The following TCTN1 variants were observed in gnomAD, a reference collection of about 807,000 sequenced individuals.
TCTN1 encodes tectonic-1.
Under a neutral mutation model 65.8 loss-of-function variants are expected in TCTN1, and 58 were observed. The ratio of observed to expected loss-of-function variants is 0.88; its 90% CI spans 0.71 to 1.10. The LOEUF (loss-of-function observed/expected upper bound fraction) is 1.10, where lower values mean the gene tolerates loss of function less well. TCTN1 is among the 50% of genes least tolerant of loss of function. TCTN1 has a pLI of 0.00. For synonymous variants in TCTN1, 273 were observed against 289.1 expected, an observed-to-expected ratio of 0.94 and a Z score of 0.57; for missense variants, 645 against 719.4, an observed-to-expected ratio of 0.90 and a Z score of 1.18.
At position 110,644,703 on chromosome 12, in the gene TCTN1, A is replaced by G. The variant is rs2067184523; in HGVS notation, c.1332-264A>G. 2 of 486,902 alleles carry G rather than the reference A, an allele frequency of 4.1e-6. No individual in the cohort carries two copies. The highest frequency in any genetic ancestry group is 3.7e-6 in the Non-Finnish European group (1 of 268,450). The allele number at this position is 486,902 out of a possible 1,614,324, so 30.2% of individuals were successfully genotyped here. ...AAACAAAACAAAAAAACCAAAAATCAAAACTTAAAAAACAAAAAACTGCTG... is the reference window on the plus strand; with the variant it reads ...AAACAAAACAAAAAAACCAAAAATCGAAACTTAAAAAACAAAAAACTGCTG... On this transcript the variant is annotated intron_variant, in intron 11 of 14. Coordinates refer to ENST00000397659, the MANE Select transcript of TCTN1 (RefSeq NM_001082538.3). The surrounding 1 kb of genome is among the most constrained non-coding windows in gnomAD (Gnocchi z 4.6).
At chr12:110,637,699 G>A (rs1055480385) in intron 7 of TCTN1, among the ~76,000 whole-genome samples, 5 of 152,140 alleles carry the variant, frequency 3.3e-5, no homozygotes, top group Non-Finnish European at 7.3e-5. Flanking sequence ...AGGGCTCCCA[G>A]GAATGCAGTG....
rs375196729 is a variant in TCTN1, at chr12:110,634,654, T to C, written c.713-16T>C. ...TTTTGTATTTTTTTTTCCTTGGGAA[T>C]GTTAATGATTTCTAGCGTTTCTGGT... On this transcript the variant is annotated splice_polypyrimidine_tract_variant and intron_variant, in intron 5 of 14. Transcript: ENST00000397659. The C allele has an allele frequency of 1.9e-6, 3 of 1,579,340 alleles. No homozygotes were observed. In the African/African-American group the frequency reaches 4.0e-5, roughly 21 times the overall value.
At position 110,632,364 on chromosome 12, in the gene TCTN1, G is replaced by C. The variant is rs970228; in HGVS notation, c.625-108G>C. 0.1 allele frequency: 116,828 copies of C among 1,120,244 alleles called. 7,664 individuals carry two copies. The highest frequency in any genetic ancestry group is 0.28 in the African/African-American group (18,287 of 65,296). The allele number at this position is 1,120,244 out of a possible 1,614,324, so 69.4% of individuals were successfully genotyped here. ...GACCACATCTGTTTTTTGCTCATCA[G>C]TGTGTCTCTGATGCCTGCAGTGCTG... On this transcript the variant is annotated intron_variant, in intron 4 of 14. Transcript: ENST00000397659.
At chr12:110,624,320 C>T (rs940136063) in intron 2 of TCTN1, among the ~76,000 whole-genome samples, 1 of 151,766 alleles carries the variant, frequency 6.6e-6, no homozygotes, top group Non-Finnish European at 1.5e-5. Flanking sequence ...CTCAAGCAGT[C>T]CTCCTACCTC....
intron 2 of TCTN1, 39 bp downstream of exon 2, chr12:110,619,995 T>A: frequency 6.2e-7 from 1 of 1,614,134 alleles, no homozygotes; most frequent in Non-Finnish European, 8.5e-7. Context: ...TGAAAAAATT[T>A]GACCAGGATA....
At position 110,641,060 on chromosome 12, in the gene TCTN1, G is replaced by C. The variant is rs201990420; in HGVS notation, c.1015G>C (p.Val339Leu). 105 of 1,614,230 alleles carry C rather than the reference G, an allele frequency of 6.5e-5. No individual in the cohort carries two copies. Among genetic ancestry groups the C allele is most frequent in the African/African-American group, 3.2e-4 (24 of 75,056 alleles). The change falls in exon 9 of 15, where the codon GTC (valine) becomes CTC (leucine). Residue 339 changes from valine (V) to leucine (L), a missense_variant. By Grantham distance (32) the Val-to-Leu change is conservative. Transcript: ENST00000397659. ...YSLTYTDAGE[V>L]TKADLSFVLG... is the part of the protein sequence containing the mutation. ...CCTCACATACACAGATGCAGGTGAA[G>C]TCACCAAAGCTGATCTCTCATTCGT...
intron 9 of TCTN1, 128 bp downstream of exon 9, chr12:110,641,277 T>C (rs1326712882): frequency 7.6e-7 from 1 of 1,316,038 alleles, no homozygotes; most frequent in Non-Finnish European, 1.1e-6. Context: ...GGGCTTTGTG[T>C]AGCCTGTGCA....
chr12:110,632,673 T>A, intron 5 of TCTN1, 114 bp downstream of exon 5: 1 of 1,035,772 alleles, frequency 9.7e-7, no homozygotes, highest in Non-Finnish European at 1.5e-6. Context: ...CAATTATTTT[T>A]GCACCAACTT....
chr12:110,641,552 A>G lies in TCTN1; in HGVS notation c.1115A>G (p.Gln372Arg). The G allele has an allele frequency of 6.2e-7, 1 of 1,614,242 alleles. No individual in the cohort carries two copies. The highest frequency in any genetic ancestry group is 1.3e-5 in the African/African-American group (1 of 75,074). Residue 372 changes from glutamine to arginine, a missense_variant, in exon 10 of 15, where the codon CAG becomes CGG. Gln to Arg is a conservative substitution (Grantham distance 43). Coordinates refer to ENST00000397659, the MANE Select transcript of TCTN1 (RefSeq NM_001082538.3). ...FEIHFLQENT[Q>R]PVPLSGNPGY... is the part of the protein sequence containing the mutation. ...TGCATTGTCTTTCAGGAAAATACCC[A>G]GCCAGTCCCTCTCAGTGGAAACCCT...
At chr12:110,642,141 GA>G (rs1555227374) in intron 10 of TCTN1, 107 bp from the exon 11 acceptor site, 18 of 1,463,626 alleles carry the variant, frequency 1.2e-5, no homozygotes, top group Middle Eastern at 4.4e-4. Context: ...CAGAGGCCCA[GA>G]AAAAGTGTAT....
intron 7 of TCTN1, among the ~76,000 whole-genome samples, chr12:110,637,879 G>C (rs760715407): frequency 2.0e-5 from 3 of 152,118 alleles, no homozygotes; most frequent in Non-Finnish European, 2.9e-5. Flanking sequence ...CACTCAATGA[G>C]TTACGCATTT....
At chr12:110,622,277 TC>T (rs1376150225) in intron 2 of TCTN1, among the ~76,000 whole-genome samples, 1 of 152,130 alleles carries the variant, frequency 6.6e-6, no homozygotes, top group Non-Finnish European at 1.5e-5. Flanking sequence ...ACCTGGAGGC[TC>T]CCCTGACCCT....
rs1056737417 is a variant in TCTN1, at chr12:110,647,887, G to A, written c.1774G>A (p.Val592Ile). ...GCCCTTTAACTTCTTCTTCCCGTTT[G>A]TTTGACGTAAGTGAGGAAACTACGC... ...RLPFNFFFPF[V>I] Residue 592 changes from valine to isoleucine, a missense_variant, in exon 14 of 15, where the codon GTT (valine) becomes ATT (isoleucine). By Grantham distance (29) the Val-to-Ile change is conservative. Transcript: ENST00000397659. 2.5e-6 allele frequency: 4 copies of A among 1,613,396 alleles called. No homozygotes were observed. The highest frequency in any genetic ancestry group is 3.4e-6 in the Non-Finnish European group (4 of 1,180,056).
rs1162074459 is a variant in TCTN1 at position 110,632,570 on chromosome 12, G to A, written c.712+11G>A. 1 of 1,612,300 alleles carries A rather than the reference G, an allele frequency of 6.2e-7. No individual in the cohort carries two copies. ...ATAATAACCCTGCAGGTAAGAAAGT[G>A]GTCATTCTTCTTTCCTTAGACATTT... On this transcript the variant is annotated intron_variant, in intron 5 of 14. Coordinates refer to ENST00000397659, the MANE Select transcript of TCTN1 (RefSeq NM_001082538.3).
intron 2 of TCTN1, among the ~76,000 whole-genome samples, chr12:110,621,746 A>T (rs895528326): frequency 6.7e-6 from 1 of 148,304 alleles, no homozygotes; most frequent in Non-Finnish European, 1.5e-5. Context: ...TGCTGGGATT[A>T]CAGGCGTGAG....
intron 6 of TCTN1, 86 bp downstream of exon 6, chr12:110,634,865 T>A: frequency 1.0e-6 from 1 of 1,004,354 alleles, no homozygotes; most frequent in Non-Finnish European, 1.5e-6. Flanking sequence ...TACAGAATAA[T>A]TTCAGTACAT....
intron 2 of TCTN1, among the ~76,000 whole-genome samples, chr12:110,621,143 C>T (rs2065400729): frequency 6.6e-6 from 1 of 152,150 alleles, no homozygotes; most frequent in South Asian, 2.1e-4. Flanking sequence ...TTAGAAGAGG[C>T]TCATTAATTC....
At chr12:110,615,982 AAAC>A (rs1322960930) in intron 1 of TCTN1, among the ~76,000 whole-genome samples, 2 of 152,232 alleles carry the variant, frequency 1.3e-5, no homozygotes, top group Non-Finnish European at 2.9e-5. Flanking sequence ...TTTAATATAT[AAAC>A]AGAGCTCTGT....
chr12:110,638,548 G>A (rs2066734845), intron 7 of TCTN1, among the ~76,000 whole-genome samples: 1 of 152,096 alleles, frequency 6.6e-6, no homozygotes, highest in African/African-American at 2.4e-5. Flanking sequence ...CTTTACCAGT[G>A]TGTGTGTGGT....
Sources: gnomAD v4.1 joint callset for allele counts (sites outside exome capture counted in the v4.1 genomes callset) on GRCh38, gnomAD v4.1.1 for gene constraint, Gnocchi (gnomAD v3.1) non-coding constraint, MANE v1.5 for transcripts, NCBI Gene and HGNC (gene_info 2026-07-23, HGNC 2026-07-21) for gene names.